The following PRRX1 variants were observed in gnomAD, a reference collection of about 807,000 sequenced individuals.
The protein encoded by PRRX1 is paired related homeobox 1, also known as paired mesoderm homeobox protein 1.
In PRRX1, 8 loss-of-function variants were observed where a neutral mutation model predicts 24.0. That is an observed-to-expected ratio of 0.33 (90% confidence interval 0.20 to 0.60). PRRX1 has a LOEUF of 0.60. Ranked by LOEUF, PRRX1 falls within the 20% of genes least tolerant of loss-of-function variation. The pLI is 0.82. For synonymous variants in PRRX1, 160 were observed against 131.7 expected (o/e 1.22, Z -1.47); for missense variants, 281 against 322.4 (o/e 0.87, Z 0.98).
chr1:170,713,058 A>G (rs1377328371), intron 1 of PRRX1, among the ~76,000 whole-genome samples: 1 of 152,218 alleles, frequency 6.6e-6, no homozygotes, highest in Non-Finnish European at 1.5e-5. Flanking sequence ...TACAGTAAGA[A>G]TTCTAACATA....
At chr1:170,691,610 T>C (rs1486469522) in intron 1 of PRRX1, among the ~76,000 whole-genome samples, 2 of 151,722 alleles carry the variant, frequency 1.3e-5, no homozygotes, top group Non-Finnish European at 1.5e-5. Context: ...TATTTTTGTT[T>C]TTATTTCAGA....
intron 1 of PRRX1, among the ~76,000 whole-genome samples, chr1:170,669,875 T>G (rs1344290117): frequency 6.6e-6 from 1 of 152,196 alleles, no homozygotes; most frequent in South Asian, 2.1e-4. Flanking sequence ...AACAACTTTT[T>G]GAAATCGGGA....
intron 1 of PRRX1, among the ~76,000 whole-genome samples, chr1:170,689,671 C>T (rs1015303532): frequency 2.0e-5 from 3 of 151,910 alleles, no homozygotes; most frequent in Admixed American, 2.0e-4. Context: ...TTAAAAAAAT[C>T]GTTTTCATTT....
intron 3 of PRRX1, among the ~76,000 whole-genome samples, chr1:170,731,020 G>T (rs912075552): frequency 1.3e-5 from 2 of 152,188 alleles, no homozygotes; most frequent in Non-Finnish European, 2.9e-5. Flanking sequence ...CCAATGAAAT[G>T]TGCAAGTGTG....
chr1:170,671,498 A>T, intron 1 of PRRX1, among the ~76,000 whole-genome samples: 1 of 152,202 alleles, frequency 6.6e-6, no homozygotes, highest in East Asian at 1.9e-4. Flanking sequence ...GCCTCGCCAG[A>T]CGCTTTCCTC....
At chr1:170,697,141 T>C (rs75551901) in intron 1 of PRRX1, among the ~76,000 whole-genome samples, 3,548 of 152,198 alleles carry the variant, frequency 0.023, 136 homozygotes, top group African/African-American at 0.076. Flanking sequence ...TGAACATGCA[T>C]GCACACGCTC....
At position 170,674,704 on chromosome 1, in the gene PRRX1, CT is replaced by C. The variant is rs201050966; in HGVS notation, c.241+10253del. The stretch of plus-strand genomic sequence containing the variant: ...GAGTACTTCTACTGTTTTTGTAATC[CT>C]TTTTTTTCTCCCCTCCTCCCCATCT... On this transcript the variant is annotated intron_variant, in intron 1 of 3. Transcript: ENST00000239461. Among the ~76,000 whole-genome samples, 117 of 151,130 alleles carry C rather than the reference CT, an allele frequency of 7.7e-4. 1 individual carries two copies. The East Asian group carries it at 0.018, about 23-fold the overall frequency.
intron 1 of PRRX1, among the ~76,000 whole-genome samples, chr1:170,684,712 C>T (rs1653670055): frequency 1.3e-5 from 2 of 152,166 alleles, no homozygotes; most frequent in Admixed American, 6.5e-5. Flanking sequence ...AAGATCATGC[C>T]ACTGCATTCC....
chr1:170,718,341 C>A (rs559677951), intron 1 of PRRX1, among the ~76,000 whole-genome samples: 2 of 152,326 alleles, frequency 1.3e-5, no homozygotes, highest in African/African-American at 4.8e-5. Flanking sequence ...TGTCAGGCCT[C>A]TGGATTTAAG....
At chr1:170,714,079 G>A (rs1654832633) in intron 1 of PRRX1, among the ~76,000 whole-genome samples, 1 of 152,180 alleles carries the variant, frequency 6.6e-6, no homozygotes, top group African/African-American at 2.4e-5. Context: ...AATCTTCCCA[G>A]TTAAGTGACC....
upstream of PRRX1, chr1:170,663,726 C>A (rs1014624732): frequency 6.5e-6 from 1 of 153,358 alleles, no homozygotes; most frequent in Non-Finnish European, 1.5e-5. Flanking sequence ...TTTAAAAAAA[C>A]CATTCACTTT....
Position 170,738,716 on chromosome 1 carries a change from A to T in PRRX1, c.*2530A>T. 4.4e-6 allele frequency: 1 copy of T among 228,418 alleles called. No individual in the cohort carries two copies. Among genetic ancestry groups the T allele is most frequent in the Admixed American group, 5.7e-5 (1 of 17,664 alleles). The allele number at this position is 228,418 out of a possible 1,614,324, so 14.1% of individuals were successfully genotyped here. A position where few individuals can be genotyped will look rare whatever the true frequency, so the allele number is the denominator to read the frequency against. ...ATGAAAAGGTTTTACTGAGAAGGGG[A>T]AAACCTTAGATAGAGGGACATGTGA... On this transcript the variant is annotated 3_prime_UTR_variant, in exon 4 of 4. Coordinates refer to ENST00000239461, the MANE Select transcript of PRRX1 (RefSeq NM_022716.4).
chr1:170,669,660 C>G (rs1466044567), intron 1 of PRRX1, among the ~76,000 whole-genome samples: 2 of 151,896 alleles, frequency 1.3e-5, no homozygotes, highest in Non-Finnish European at 2.9e-5. Flanking sequence ...CCTACCACAC[C>G]ACCATCGCAG....
chr1:170,714,316 G>T (rs1190733149), intron 1 of PRRX1, among the ~76,000 whole-genome samples: 1 of 152,168 alleles, frequency 6.6e-6, no homozygotes, highest in East Asian at 1.9e-4. Flanking sequence ...AAAGTAAGTA[G>T]CTGTTGTGCA....
chr1:170,724,922 T>G (rs978529815), intron 2 of PRRX1, among the ~76,000 whole-genome samples: 17 of 152,244 alleles, frequency 1.1e-4, no homozygotes, highest in African/African-American at 3.9e-4. Flanking sequence ...GCATAGAATG[T>G]TTTTCCATTT....
intron 1 of PRRX1, among the ~76,000 whole-genome samples, chr1:170,705,848 T>A (rs1344082050): frequency 2.6e-5 from 4 of 152,042 alleles, no homozygotes; most frequent in African/African-American, 4.8e-5. Flanking sequence ...CTAGTTCTCA[T>A]GTTTCTAGCA....
chr1:170,713,927 G>A (rs142845048), intron 1 of PRRX1, among the ~76,000 whole-genome samples: 81 of 152,280 alleles, frequency 5.3e-4, no homozygotes, highest in Non-Finnish European at 9.1e-4. Context: ...ATTTGTATTG[G>A]CAGAGATTTG....
At chr1:170,732,616 T>C (rs975910270) in intron 3 of PRRX1, among the ~76,000 whole-genome samples, 1 of 152,204 alleles carries the variant, frequency 6.6e-6, no homozygotes, top group Non-Finnish European at 1.5e-5. Context: ...ATTTAGTATG[T>C]GTACAAAATA....
At chr1:170,734,766 T>C (rs1655550561) in intron 3 of PRRX1, among the ~76,000 whole-genome samples, 1 of 152,214 alleles carries the variant, frequency 6.6e-6, no homozygotes, top group Admixed American at 6.5e-5. Context: ...GGACTCATTA[T>C]ATTTCTTAAC....
Sources: allele counts gnomAD v4.1 joint callset (sites outside exome capture counted in the v4.1 genomes callset), GRCh38; gene constraint gnomAD v4.1.1; transcripts MANE v1.5; gene names NCBI Gene and HGNC (gene_info 2026-07-23, HGNC 2026-07-21).